COL11A1: variants seen among roughly 807,000 people sequenced by gnomAD.
COL11A1 encodes collagen type XI alpha 1 chain.
Under a neutral mutation model 265.2 loss-of-function variants are expected in COL11A1, and 74 were observed. The ratio of observed to expected loss-of-function variants is 0.28; its 90% CI spans 0.23 to 0.34. COL11A1 has a LOEUF of 0.34. COL11A1 is among the 10% of genes least tolerant of loss of function. The pLI is 1.00. For missense variants in COL11A1, 2,165 were observed against 2,263.6 expected, an observed-to-expected ratio of 0.96 and a Z score of 0.88; for synonymous variants, 816 against 727.6, an observed-to-expected ratio of 1.12 and a Z score of -1.96.
chr1:102,969,446 C>A (rs1000687570), intron 37 of COL11A1, among the ~76,000 whole-genome samples: 3 of 152,096 alleles, frequency 2.0e-5, no homozygotes, highest in Non-Finnish European at 4.4e-5. Flanking sequence ...TGGTGAGAAG[C>A]AAGAATTGAT....
chr1:103,054,252 A>C (rs1387034556), intron 4 of COL11A1, among the ~76,000 whole-genome samples: 2 of 152,372 alleles, frequency 1.3e-5, no homozygotes, highest in South Asian at 2.1e-4. Flanking sequence ...CAATATTTTC[A>C]ATAATTAAAA....
At chr1:103,093,000 A>G (rs529275055) in intron 1 of COL11A1, among the ~76,000 whole-genome samples, 2 of 152,180 alleles carry the variant, frequency 1.3e-5, no homozygotes, top group Admixed American at 1.3e-4. Context: ...ACAGAAAAAG[A>G]CAAAAGAAAA....
At chr1:103,047,813 G>T (rs566488734) in intron 4 of COL11A1, among the ~76,000 whole-genome samples, 8 of 152,226 alleles carry the variant, frequency 5.3e-5, no homozygotes, top group Admixed American at 2.6e-4. Context: ...TTAGCATGAA[G>T]GGTTGTTGAA....
At chr1:103,047,413 T>C (rs1669381764) in intron 4 of COL11A1, among the ~76,000 whole-genome samples, 3 of 152,140 alleles carry the variant, frequency 2.0e-5, no homozygotes, top group Admixed American at 2.0e-4. Context: ...CTGTCTGTTA[T>C]TGGTGTATAA....
chr1:103,069,077 G>C (rs1480245638), intron 4 of COL11A1, among the ~76,000 whole-genome samples: 1 of 151,696 alleles, frequency 6.6e-6, no homozygotes, highest in African/African-American at 2.4e-5. Context: ...TCTAACATGT[G>C]TGTAGAAATG....
intron 63 of COL11A1, among the ~76,000 whole-genome samples, chr1:102,885,134 T>A (rs1348137926): frequency 6.6e-6 from 1 of 152,212 alleles, no homozygotes; most frequent in Non-Finnish European, 1.5e-5. Context: ...TCTACACAGC[T>A]GTCCCTGCCT....
At chr1:102,899,158 A>T (rs1176831935) in intron 54 of COL11A1, among the ~76,000 whole-genome samples, 164 bp from the exon 55 acceptor site, 2 of 152,006 alleles carry the variant, frequency 1.3e-5, no homozygotes, top group Non-Finnish European at 2.9e-5. Context: ...AACCCATTTT[A>T]TGTACAAACT....
chr1:102,901,538 C>G (rs1032602300), intron 54 of COL11A1, among the ~76,000 whole-genome samples: 5 of 151,874 alleles, frequency 3.3e-5, no homozygotes, highest in Admixed American at 2.0e-4. Context: ...AGAATGCCTA[C>G]GGACAAATTG....
chr1:102,917,086 G>C (rs1310052443), intron 49 of COL11A1, among the ~76,000 whole-genome samples: 1 of 151,664 alleles, frequency 6.6e-6, no homozygotes, highest in East Asian at 1.9e-4. Context: ...ACCAAAAAAA[G>C]AGTCTTATTG....
intron 52 of COL11A1, among the ~76,000 whole-genome samples, chr1:102,914,035 G>A (rs1655014441): frequency 6.6e-6 from 1 of 152,100 alleles, no homozygotes; most frequent in African/African-American, 2.4e-5. Context: ...AAGAGAAACA[G>A]AAAAGCAAAG....
intron 30 of COL11A1, among the ~76,000 whole-genome samples, chr1:102,985,426 C>G (rs771947400): frequency 2.6e-5 from 4 of 152,012 alleles, no homozygotes; most frequent in Admixed American, 6.6e-5. Flanking sequence ...ATCAAACAAA[C>G]CCTAAGAAGC....
chr1:103,011,027 G>T (rs1249892761), intron 14 of COL11A1, among the ~76,000 whole-genome samples: 2 of 152,088 alleles, frequency 1.3e-5, no homozygotes, highest in African/African-American at 2.4e-5. Context: ...ATCAAATATG[G>T]CACTGTTTCT....
intron 46 of COL11A1, among the ~76,000 whole-genome samples, chr1:102,928,733 T>A (rs1445765102): frequency 9.7e-5 from 14 of 143,772 alleles, no homozygotes; most frequent in Non-Finnish European, 1.8e-4. Flanking sequence ...TGTTCCTATT[T>A]CTCCACATCC....
chr1:102,985,465 ATTAAG>A (rs1570946135), intron 30 of COL11A1, among the ~76,000 whole-genome samples: 3 of 152,238 alleles, frequency 2.0e-5, no homozygotes, highest in East Asian at 1.9e-4. Flanking sequence ...CCTTGGATAT[ATTAAG>A]TTATCACAGC....
At chr1:102,972,389 G>A (rs549242871) in intron 36 of COL11A1, among the ~76,000 whole-genome samples, 59 of 152,144 alleles carry the variant, frequency 3.9e-4, no homozygotes, top group African/African-American at 1.3e-3. Flanking sequence ...GCGATCTTAG[G>A]TCTAAGCGAT....
At position 102,901,897 on chromosome 1, in the gene COL11A1, T is replaced by C. The variant is rs1170462276; in HGVS notation, c.4087-2903A>G. Among the ~76,000 whole-genome samples the C allele has an allele frequency of 2.6e-5, 4 of 152,190 alleles. No homozygotes were observed. The South Asian group carries it at 6.2e-4, about 24-fold the overall frequency. On this transcript the variant is annotated intron_variant, in intron 54 of 66. Coordinates refer to ENST00000370096, the MANE Select transcript of COL11A1 (RefSeq NM_001854.4). ...GAATGTGCTATGCATATACATAACA[T>C]GTAAAATCAAATCCCTAAGAAATTC...
intron 4 of COL11A1, among the ~76,000 whole-genome samples, chr1:103,068,748 G>A (rs979623813): frequency 6.6e-6 from 1 of 150,500 alleles, no homozygotes; most frequent in African/African-American, 2.4e-5. Flanking sequence ...TAGGATACAA[G>A]GTTAATATAA....
intron 4 of COL11A1, among the ~76,000 whole-genome samples, chr1:103,044,443 T>C (rs1444086843): frequency 6.6e-6 from 1 of 152,112 alleles, no homozygotes; most frequent in Admixed American, 6.6e-5. Context: ...TACTTGAATG[T>C]ACTTCTAATT....
At chr1:102,917,705 T>A (rs1422427323) in intron 49 of COL11A1, among the ~76,000 whole-genome samples, 2 of 151,892 alleles carry the variant, frequency 1.3e-5, no homozygotes, top group African/African-American at 4.8e-5. Flanking sequence ...AAAGATTATT[T>A]TCTTTTTATT....
Sources: gnomAD v4.1 joint callset for allele counts (sites outside exome capture counted in the v4.1 genomes callset) on GRCh38, gnomAD v4.1.1 for gene constraint, MANE v1.5 for transcripts, NCBI Gene and HGNC (gene_info 2026-07-23, HGNC 2026-07-21) for gene names.